ZNF273: variants seen among roughly 807,000 people sequenced by gnomAD.
ZNF273 encodes the protein zinc finger protein 273.
In ZNF273, 11 loss-of-function variants were observed where a neutral mutation model predicts 14.9. That is an observed-to-expected ratio of 0.74 (90% confidence interval 0.46 to 1.22). The LOEUF (loss-of-function observed/expected upper bound fraction) is 1.22, where lower values mean the gene tolerates loss of function less well. ZNF273 is among the 50% of genes most tolerant of loss of function. ZNF273 has a pLI of 0.00. For synonymous variants in ZNF273, 199 were observed against 223.9 expected (o/e 0.89, Z 0.99); for missense variants, 577 against 660.6 (o/e 0.87, Z 1.39).
intron 3 of ZNF273, among the ~76,000 whole-genome samples, chr7:64,895,243 T>G (rs973574077): frequency 6.6e-6 from 1 of 152,264 alleles, no homozygotes; most frequent in African/African-American, 2.4e-5. Context: ...AGTCTGGGGA[T>G]AGTGAATTAA....
At chr7:64,889,344 A>ATAG (rs1463850328), downstream of ZNF273, 2 of 956,598 alleles carry the variant, frequency 2.1e-6, no homozygotes, top group Non-Finnish European at 2.5e-6. This position sits in a 1 kb window ranked among gnomAD's most constrained non-coding sequence, Gnocchi z 4.2. Flanking sequence ...CTCCGCCCCA[A>ATAG]CAGCTGGTGC....
intron 1 of ZNF273, among the ~76,000 whole-genome samples, chr7:64,913,673 G>T (rs565090061): frequency 6.6e-6 from 1 of 152,324 alleles, no homozygotes; most frequent in East Asian, 1.9e-4. Context: ...TGCTGTGCCT[G>T]CTTCCTCTAA....
downstream of ZNF273, among the ~76,000 whole-genome samples, chr7:64,931,491 T>A (rs1794991914): frequency 6.6e-6 from 1 of 152,176 alleles, no homozygotes; most frequent in Admixed American, 6.5e-5. Context: ...AAAAAGTAAT[T>A]TTTAGATGTA....
downstream of ZNF273, chr7:64,889,474 C>G (rs770534861): frequency 6.1e-6 from 6 of 985,814 alleles, no homozygotes; most frequent in Admixed American, 6.1e-5. The surrounding 1 kb of genome is among the most constrained non-coding windows in gnomAD (Gnocchi z 4.2). Flanking sequence ...TGCGTCCCCG[C>G]GGGACGCCAG....
chr7:64,931,599 T>A (rs941843085), downstream of ZNF273, among the ~76,000 whole-genome samples: 6 of 152,198 alleles, frequency 3.9e-5, no homozygotes, highest in East Asian at 1.9e-4. Context: ...CCGACTTTTT[T>A]AAAGTTATTC....
chr7:64,888,967 G>C, downstream of ZNF273: 1 of 984,204 alleles, frequency 1.0e-6, no homozygotes, highest in Non-Finnish European at 1.2e-6. Context: ...TGTCCACCCA[G>C]CCGCCGTGGT....
chr7:64,902,747 TG>T (rs1792810027), upstream of ZNF273, among the ~76,000 whole-genome samples: 9 of 152,014 alleles, frequency 5.9e-5, no homozygotes, highest in Admixed American at 4.6e-4. Context: ...GAAAGAAAAC[TG>T]GAAGTGGGGA....
chr7:64,889,737 C>T (rs1791856100), downstream of ZNF273: 6 of 985,912 alleles, frequency 6.1e-6, no homozygotes, highest in Non-Finnish European at 7.2e-6. This position sits in a 1 kb window ranked among gnomAD's most constrained non-coding sequence, Gnocchi z 4.2. Flanking sequence ...CACCGAGCAC[C>T]ATCCACGCTC....
chr7:64,917,470 C>G, intron 1 of ZNF273, 111 bp from the exon 2 acceptor site: 1 of 1,484,444 alleles, frequency 6.7e-7, no homozygotes, highest in South Asian at 1.2e-5. Flanking sequence ...TTTAGTCACT[C>G]CTATAAGTAA....
chr7:64,891,451 A>G (rs573856747), downstream of ZNF273, among the ~76,000 whole-genome samples: 3 of 152,322 alleles, frequency 2.0e-5, no homozygotes, highest in East Asian at 3.9e-4. Flanking sequence ...AGGCCTGGGT[A>G]TGATTGGAAT....
downstream of ZNF273, chr7:64,893,665 G>GTCCCCCTCCCCCCCCCTCCCC (rs1792172221): frequency 1.0e-5 from 1 of 97,958 alleles, no homozygotes; most frequent in African/African-American, 4.5e-5. Context: ...CCTCCCTCCC[G>GTCCCCCTCCCCCCCCCTCCCC]TCCCCCTCCC....
Position 64,917,572 on chromosome 7 carries a change from G to T in ZNF273, c.103-9G>T. ...GGTAAATATGTTTTTGTGTGTGTGT[G>T]TTTTTCAGGGACCACTGACATTTAG... On this transcript the variant is annotated splice_polypyrimidine_tract_variant and intron_variant, in intron 1 of 3. Coordinates refer to ENST00000476120, the MANE Select transcript of ZNF273 (RefSeq NM_021148.3). The T allele has an allele frequency of 6.3e-7, 1 of 1,589,652 alleles. No individual in the cohort carries two copies. The highest frequency in any genetic ancestry group is 8.6e-7 in the Non-Finnish European group (1 of 1,164,654).
chr7:64,933,091 C>T (rs1337388557), downstream of ZNF273, among the ~76,000 whole-genome samples: 4 of 152,150 alleles, frequency 2.6e-5, no homozygotes, highest in African/African-American at 7.2e-5. Flanking sequence ...CCTGCCTCAG[C>T]CTCCTGAGTA....
At chr7:64,890,996 G>T (rs1201277033), downstream of ZNF273, among the ~76,000 whole-genome samples, 1 of 152,212 alleles carries the variant, frequency 6.6e-6, no homozygotes, top group Non-Finnish European at 1.5e-5. Flanking sequence ...ACTCATTTCT[G>T]CAGGGGCAGA....
At chr7:64,934,803 CAT>C (rs994509662), downstream of ZNF273, among the ~76,000 whole-genome samples, 35 of 151,600 alleles carry the variant, frequency 2.3e-4, no homozygotes, top group African/African-American at 3.9e-4. Context: ...TGTGGGGTAT[CAT>C]ATAAATTTTA....
chr7:64,904,362 C>T (rs4718165), intron 1 of ZNF273, among the ~76,000 whole-genome samples: 69,810 of 152,080 alleles, frequency 0.46, 16,274 homozygotes, highest in East Asian at 0.56. Flanking sequence ...AGTGCTAGGA[C>T]TACAGGCGTG....
At position 64,921,637 on chromosome 7, in the gene ZNF273, T is replaced by TTTTTTTG. The variant is rs750737426; in HGVS notation, c.325+3345_325+3346insTTTTTTG. On this transcript the variant is annotated intron_variant, in intron 3 of 3. Coordinates refer to ENST00000476120, the MANE Select transcript of ZNF273 (RefSeq NM_021148.3). The stretch of plus-strand genomic sequence containing the variant: ...TTTTTTTTTTTTTTTTTTTTTTTTT[T>TTTTTTTG]GTGTGTGAGACAGAGTCTTGCTCTC... 4.0e-3 allele frequency among the ~76,000 whole-genome samples: 119 copies of TTTTTTTG among 29,568 alleles called. 11 individuals carry two copies. The highest frequency in any genetic ancestry group is 0.018 in the African/African-American group (115 of 6,410). 19.4% of individuals were successfully genotyped at this position (29,568 alleles called of 152,430 possible).
chr7:64,915,777 A>T (rs950647814), intron 1 of ZNF273, among the ~76,000 whole-genome samples: 1 of 152,254 alleles, frequency 6.6e-6, no homozygotes, highest in Non-Finnish European at 1.5e-5. Context: ...GTCCTTTGTA[A>T]ATATGGAGAA....
At chr7:64,910,175 T>G (rs1793388074) in intron 1 of ZNF273, among the ~76,000 whole-genome samples, 1 of 152,196 alleles carries the variant, frequency 6.6e-6, no homozygotes, top group Admixed American at 6.5e-5. Context: ...CTCTTTAGTT[T>G]AATTAGGTCT....
Sources: gnomAD v4.1 joint callset for allele counts (sites outside exome capture counted in the v4.1 genomes callset) on GRCh38, gnomAD v4.1.1 for gene constraint, Gnocchi (gnomAD v3.1) non-coding constraint, MANE v1.5 for transcripts, NCBI Gene and HGNC (gene_info 2026-07-23, HGNC 2026-07-21) for gene names.